The following ADAMTS18 variants were observed in gnomAD, a reference collection of about 807,000 sequenced individuals.
ADAMTS18 encodes A disintegrin and metalloproteinase with thrombospondin motifs 18.
Under a neutral mutation model 165.9 loss-of-function variants are expected in ADAMTS18, and 157 were observed. That is an observed-to-expected ratio of 0.95 (90% confidence interval 0.83 to 1.08). ADAMTS18 has a LOEUF of 1.08. Ranked by LOEUF, ADAMTS18 falls within the 50% of genes least tolerant of loss-of-function variation. The pLI, the probability that ADAMTS18 is intolerant of heterozygous loss-of-function variation, is 0.00. For synonymous variants in ADAMTS18, 782 were observed against 578.2 expected (o/e 1.35, Z -5.06); for missense variants, 2,040 against 1,534.0 (o/e 1.33, Z -5.51).
intron 3 of ADAMTS18, among the ~76,000 whole-genome samples, chr16:77,410,273 T>C (rs976048982): frequency 6.8e-6 from 1 of 147,470 alleles, no homozygotes; most frequent in East Asian, 2.0e-4. Context: ...GACCCAAGAA[T>C]TGGTTGCAAC....
intron 16 of ADAMTS18, among the ~76,000 whole-genome samples, chr16:77,305,786 TG>T (rs1204689040): frequency 6.6e-6 from 1 of 152,156 alleles, no homozygotes; most frequent in Non-Finnish European, 1.5e-5. Context: ...CCCACTGATG[TG>T]GGGAAACAGG....
At chr16:77,318,695 C>CT (rs2055931646) in intron 16 of ADAMTS18, among the ~76,000 whole-genome samples, 1 of 152,188 alleles carries the variant, frequency 6.6e-6, no homozygotes, top group African/African-American at 2.4e-5. Context: ...GGAAAAGACT[C>CT]TGACTCCAGT....
intron 3 of ADAMTS18, among the ~76,000 whole-genome samples, chr16:77,391,339 C>T (rs2057183486): frequency 6.6e-6 from 1 of 151,962 alleles, no homozygotes; most frequent in Non-Finnish European, 1.5e-5. Flanking sequence ...TCTGTCTCTA[C>T]TAAAAATACA....
At chr16:77,369,052 T>C (rs556250428) in intron 3 of ADAMTS18, among the ~76,000 whole-genome samples, 19 of 152,330 alleles carry the variant, frequency 1.2e-4, no homozygotes, top group Admixed American at 7.8e-4. Context: ...GAAAGTGTAA[T>C]CTGCAGACTA....
intron 3 of ADAMTS18, among the ~76,000 whole-genome samples, chr16:77,403,048 C>T (rs1335200967): frequency 2.0e-5 from 3 of 152,132 alleles, no homozygotes; most frequent in Non-Finnish European, 4.4e-5. Context: ...TTATTATGTG[C>T]CAAGTACTGT....
intron 12 of ADAMTS18, among the ~76,000 whole-genome samples, chr16:77,327,916 G>C (rs1442061133): frequency 6.6e-6 from 1 of 152,128 alleles, no homozygotes; most frequent in Non-Finnish European, 1.5e-5. Flanking sequence ...CCCCAATCCA[G>C]CTGTCAGTCA....
At position 77,343,346 on chromosome 16, in the gene ADAMTS18, T is replaced by C. The variant is rs59054091; in HGVS notation, c.1615-1547A>G. Among the ~76,000 whole-genome samples the C allele has an allele frequency of 1.8e-4, 27 of 152,358 alleles. No homozygotes were observed. The East Asian group carries it at 5.2e-3, about 29-fold the overall frequency. On this transcript the variant is annotated intron_variant, in intron 10 of 22. Transcript: ENST00000282849. ...GCCTTGGCCTCCCAAAGTGCTAGGA[T>C]TGCTCACATGAGCCACCTTGCCTGG...
At chr16:77,293,652 G>C (rs559940119) in intron 19 of ADAMTS18, among the ~76,000 whole-genome samples, 1 of 151,514 alleles carries the variant, frequency 6.6e-6, no homozygotes, top group South Asian at 2.1e-4. Context: ...TTGGCACCAG[G>C]GTCGGCTTTT....
intron 21 of ADAMTS18, among the ~76,000 whole-genome samples, chr16:77,289,829 T>C (rs1367055382): frequency 1.3e-5 from 2 of 152,080 alleles, no homozygotes; most frequent in African/African-American, 4.8e-5. Context: ...GAAAAAGAAA[T>C]GGTCAGAGAC....
intron 3 of ADAMTS18, among the ~76,000 whole-genome samples, chr16:77,370,334 C>A (rs2056858498): frequency 6.6e-6 from 1 of 152,120 alleles, no homozygotes. Context: ...AAAGAGAAAA[C>A]TCTAAAGAAA....
intron 3 of ADAMTS18, among the ~76,000 whole-genome samples, chr16:77,373,523 G>A (rs1046287356): frequency 1.3e-5 from 2 of 151,554 alleles, no homozygotes; most frequent in African/African-American, 4.8e-5. Flanking sequence ...CTCATGCAAA[G>A]GCATAAGAAT....
At chr16:77,386,000 G>C (rs2057102287) in intron 3 of ADAMTS18, among the ~76,000 whole-genome samples, 1 of 152,220 alleles carries the variant, frequency 6.6e-6, no homozygotes, top group East Asian at 1.9e-4. Context: ...ATTAGTAGCA[G>C]AACATTTCTG....
At chr16:77,361,641 TG>T (rs1455245091) in intron 7 of ADAMTS18, among the ~76,000 whole-genome samples, 4 of 152,214 alleles carry the variant, frequency 2.6e-5, no homozygotes, top group African/African-American at 9.6e-5. Context: ...CCCAGGACTT[TG>T]GGAGACCAAG....
chr16:77,358,379 T>C (rs1458263863), intron 8 of ADAMTS18, among the ~76,000 whole-genome samples: 2 of 152,128 alleles, frequency 1.3e-5, no homozygotes, highest in African/African-American at 2.4e-5. Flanking sequence ...ATGACCAACA[T>C]GGTGAAACCT....
chr16:77,399,484 T>C (rs1057290639), intron 3 of ADAMTS18, among the ~76,000 whole-genome samples: 5 of 152,192 alleles, frequency 3.3e-5, no homozygotes, highest in Non-Finnish European at 7.3e-5. Flanking sequence ...TTTTATGTTG[T>C]TGTTTCCCTA....
Position 77,431,605 on chromosome 16 carries a change from A to G in ADAMTS18, c.185T>C (p.Val62Ala), listed in dbSNP as rs778941427. 2.2e-5 allele frequency: 36 copies of G among 1,613,828 alleles called. No individual in the cohort carries two copies. The highest frequency in any genetic ancestry group is 3.1e-5 in the Non-Finnish European group (36 of 1,179,966). ...GTCTACTTCTACTGGCGTGACAAAG[A>G]CGTAATCTGCAATGGGAAAAGTTCA... ...SGASGLNDDY[V>A]FVTPVEVDSA... The change falls in exon 3 of 23, where the codon GTC (valine) becomes GCC (alanine). Residue 62 changes from valine to alanine, a missense_variant. Transcript: ENST00000282849.
rs779803798 is a variant in ADAMTS18 at position 77,289,250 on chromosome 16, T to C, written c.3550+14A>G. 23 of 1,613,950 alleles carry C rather than the reference T, an allele frequency of 1.4e-5. No individual in the cohort carries two copies. Among genetic ancestry groups the C allele is most frequent in the Non-Finnish European group, 1.9e-5 (22 of 1,179,934 alleles). The stretch of plus-strand genomic sequence containing the variant: ...AAGACTAGTAAAGTTGACTGGAGCA[T>C]GGTGCCTTTTTACCTCTCTTTTCAG... On this transcript the variant is annotated intron_variant, in intron 22 of 22. Transcript: ENST00000282849.
chr16:77,384,367 GT>G (rs2057075921), intron 3 of ADAMTS18, among the ~76,000 whole-genome samples: 1 of 152,142 alleles, frequency 6.6e-6, no homozygotes, highest in Non-Finnish European at 1.5e-5. Flanking sequence ...TATTTCTCTA[GT>G]TTCTCTCTCT....
chr16:77,392,215 G>C (rs2144791525), intron 3 of ADAMTS18, among the ~76,000 whole-genome samples: 1 of 152,270 alleles, frequency 6.6e-6, no homozygotes, highest in East Asian at 1.9e-4. Flanking sequence ...TCGGAGTAAA[G>C]GCTGAAGCTC....
Sources: gnomAD v4.1 joint callset for allele counts (sites outside exome capture counted in the v4.1 genomes callset) on GRCh38, gnomAD v4.1.1 for gene constraint, MANE v1.5 for transcripts, NCBI Gene and HGNC (gene_info 2026-07-23, HGNC 2026-07-21) for gene names.